PTPRD: variants seen among roughly 807,000 people sequenced by gnomAD.
The protein encoded by PTPRD is receptor-type tyrosine-protein phosphatase delta.
Under a neutral mutation model 214.5 loss-of-function variants are expected in PTPRD, and 34 were observed. That is an observed-to-expected ratio of 0.16 (90% CI 0.12 to 0.21). The LOEUF is 0.21. Among genes scored for constraint, PTPRD ranks in the 10% least tolerant of loss-of-function variants. The probability of loss-of-function intolerance (pLI) is 1.00; values close to 1 mark genes in which losing one functional copy is unlikely to be tolerated. For missense variants in PTPRD, 2,545 were observed against 2,398.7 expected (o/e 1.06, Z -1.27); for synonymous variants, 1,128 against 845.7 (o/e 1.33, Z -5.79).
chr9:10,462,587 G>C (rs1031069259), intron 2 of PTPRD, among the ~76,000 whole-genome samples: 4 of 152,066 alleles, frequency 2.6e-5, no homozygotes, highest in Non-Finnish European at 5.9e-5. Flanking sequence ...GGGGAAATGA[G>C]GTATCAGAAA....
chr9:9,000,341 G>C (rs1162819601), intron 11 of PTPRD, among the ~76,000 whole-genome samples: 3 of 151,938 alleles, frequency 2.0e-5, no homozygotes, highest in Non-Finnish European at 2.9e-5. Flanking sequence ...CTTTTGCAAA[G>C]CTCTTTCAAT....
chr9:9,971,136 T>A (rs2154047374), intron 4 of PTPRD, among the ~76,000 whole-genome samples: 1 of 152,168 alleles, frequency 6.6e-6, no homozygotes, highest in East Asian at 1.9e-4. Context: ...AAAGGAGAAA[T>A]ATTAAATAAA....
chr9:9,337,863 C>T (rs553946350), intron 9 of PTPRD, among the ~76,000 whole-genome samples: 41 of 152,258 alleles, frequency 2.7e-4, no homozygotes, highest in Admixed American at 8.5e-4. Context: ...TGTGCTTCTA[C>T]CCCAGCAGGT....
intron 2 of PTPRD, among the ~76,000 whole-genome samples, chr9:10,526,875 T>C (rs2134446492): frequency 6.6e-6 from 1 of 152,106 alleles, no homozygotes; most frequent in East Asian, 1.9e-4. Flanking sequence ...ATAATATGTG[T>C]CTGTGAGGAA....
intron 10 of PTPRD, among the ~76,000 whole-genome samples, chr9:9,056,235 G>A (rs1356928949): frequency 6.6e-6 from 1 of 152,196 alleles, no homozygotes; most frequent in Non-Finnish European, 1.5e-5. Context: ...TAATGCGTAT[G>A]TGAGAAAAGA....
At chr9:8,495,863 A>C (rs2097253911) in intron 26 of PTPRD, among the ~76,000 whole-genome samples, 1 of 152,208 alleles carries the variant, frequency 6.6e-6, no homozygotes, top group African/African-American at 2.4e-5. Flanking sequence ...TCATTCAGTG[A>C]ATGGAAGAAT....
At chr9:9,233,023 C>T (rs981936312) in intron 9 of PTPRD, among the ~76,000 whole-genome samples, 3 of 152,174 alleles carry the variant, frequency 2.0e-5, no homozygotes, top group African/African-American at 7.2e-5. Context: ...CTCTTAAGAC[C>T]CTTATACCAG....
intron 5 of PTPRD, among the ~76,000 whole-genome samples, chr9:9,779,403 A>G (rs1296852125): frequency 6.6e-6 from 1 of 152,196 alleles, no homozygotes; most frequent in African/African-American, 2.4e-5. Flanking sequence ...AACTATCAAC[A>G]GAATAAACAG....
chr9:10,273,797 A>G (rs532530400), intron 3 of PTPRD, among the ~76,000 whole-genome samples: 74 of 152,266 alleles, frequency 4.9e-4, no homozygotes, highest in Non-Finnish European at 8.1e-4. Flanking sequence ...GTAGTAGCAT[A>G]CCATAAAGGT....
chr9:10,370,124 T>C (rs1338610199), intron 2 of PTPRD, among the ~76,000 whole-genome samples: 1 of 152,106 alleles, frequency 6.6e-6, no homozygotes, highest in African/African-American at 2.4e-5. Context: ...ACAAGAGACT[T>C]GAACCATCAC....
chr9:9,986,560 A>G (rs1212220269), intron 4 of PTPRD, among the ~76,000 whole-genome samples: 1 of 152,162 alleles, frequency 6.6e-6, no homozygotes, highest in African/African-American at 2.4e-5. Context: ...GTTATCTCCC[A>G]CAGGTGGGGC....
chr9:8,703,605 GT>G (rs1261578236), intron 12 of PTPRD, among the ~76,000 whole-genome samples: 1 of 152,070 alleles, frequency 6.6e-6, no homozygotes, highest in Non-Finnish European at 1.5e-5. Flanking sequence ...CTTTTCTCCT[GT>G]TTCCCCTCGA....
intron 8 of PTPRD, among the ~76,000 whole-genome samples, chr9:9,496,440 T>C (rs1026164583): frequency 6.6e-6 from 1 of 152,120 alleles, no homozygotes; most frequent in Non-Finnish European, 1.5e-5. Flanking sequence ...CCAACTAGGA[T>C]ACACAAATGT....
intron 11 of PTPRD, among the ~76,000 whole-genome samples, chr9:8,783,395 T>C (rs2095816779): frequency 6.6e-6 from 1 of 152,228 alleles, no homozygotes; most frequent in Non-Finnish European, 1.5e-5. Flanking sequence ...CTGAAAAGTA[T>C]GAAGTCATTA....
intron 7 of PTPRD, among the ~76,000 whole-genome samples, chr9:9,733,321 T>C (rs940603899): frequency 6.6e-6 from 1 of 152,174 alleles, no homozygotes; most frequent in East Asian, 1.9e-4. Flanking sequence ...TACATCTCTA[T>C]GGGAAAGGCA....
chr9:9,035,246 G>C (rs1190551045), intron 10 of PTPRD, among the ~76,000 whole-genome samples: 1 of 152,080 alleles, frequency 6.6e-6, no homozygotes, highest in African/African-American at 2.4e-5. Flanking sequence ...AATTCCTCCT[G>C]CTTAAAATAA....
intron 7 of PTPRD, among the ~76,000 whole-genome samples, chr9:9,699,015 C>G (rs2097437558): frequency 6.6e-6 from 1 of 152,148 alleles, no homozygotes; most frequent in African/African-American, 2.4e-5. Context: ...GCATGACTTT[C>G]TCTCTGCTAC....
chr9:10,259,697 C>T (rs1312051896), intron 3 of PTPRD, among the ~76,000 whole-genome samples: 1 of 152,130 alleles, frequency 6.6e-6, no homozygotes, highest in Non-Finnish European at 1.5e-5. Flanking sequence ...AACTTTAGTT[C>T]CTCAACAAAT....
chr9:9,390,486 C>G (rs1360561625), intron 9 of PTPRD, among the ~76,000 whole-genome samples: 1 of 151,950 alleles, frequency 6.6e-6, no homozygotes, highest in Non-Finnish European at 1.5e-5. Flanking sequence ...GAACAGCTAT[C>G]TAATGTCCTA....
Sources: gnomAD v4.1 joint callset for allele counts (sites outside exome capture counted in the v4.1 genomes callset) on GRCh38, gnomAD v4.1.1 for gene constraint, MANE v1.5 for transcripts, NCBI Gene and HGNC (gene_info 2026-07-23, HGNC 2026-07-21) for gene names.